The following PHETA1 variants were observed in gnomAD, a reference collection of about 807,000 sequenced individuals.
PHETA1 encodes the protein PH domain containing endocytic trafficking adaptor 1.
For missense variants in PHETA1, 348 were observed against 373.5 expected, an observed-to-expected ratio of 0.93 and a Z score of 0.56; for synonymous variants, 155 against 168.9, an observed-to-expected ratio of 0.92 and a Z score of 0.64.
In PHETA1 at chr12:111,361,826, C is replaced by CT. The variant is rs1465423089; in HGVS notation, c.*851dup. On this transcript the variant is annotated 3_prime_UTR_variant, in exon 3 of 3. Transcript: ENST00000683047. ...GCTAGAAGGTCACCTCGGGCCATGG[C>CT]TACCCAGCCCAGGAAGGGAGGTCAG... 2.2e-6 allele frequency: 1 copy of CT among 452,594 alleles called. No individual in the cohort carries two copies. Among genetic ancestry groups the CT allele is most frequent in the African/African-American group, 2.0e-5 (1 of 49,914 alleles). 28.0% of individuals were successfully genotyped at this position (452,594 alleles called of 1,614,324 possible).
chr12:111,361,635 G>C lies in PHETA1; in HGVS notation c.*1043C>G. 3.1e-6 allele frequency: 1 copy of C among 317,940 alleles called. No homozygotes were observed. Among genetic ancestry groups the C allele is most frequent in the South Asian group, 2.6e-5 (1 of 38,888 alleles). The allele number at this position is 317,940 out of a possible 1,614,324, so 19.7% of individuals were successfully genotyped here. A position where few individuals can be genotyped will look rare whatever the true frequency, so the allele number is the denominator to read the frequency against. On this transcript the variant is annotated 3_prime_UTR_variant, in exon 3 of 3. Coordinates refer to ENST00000683047, the MANE Select transcript of PHETA1 (RefSeq NM_144671.6). ...CCTGGTCCCCACCAGGAGTATGGGG[G>C]TGGGGGCTGAGCTCAGGAGGGGACA...
At position 111,368,995 on chromosome 12, in the gene PHETA1, T is replaced by TGGCGGCGAC. The variant is rs1555221533; in HGVS notation, c.-274_-266dup. ...CGGCCATGGTTCGGGACTGGCCCGG[T>TGGCGGCGAC]GGCGGCGACGGCGGCGGCAGCGCTT... is the stretch of plus-strand genomic sequence containing the variant. On this transcript the variant is annotated 5_prime_UTR_variant, in exon 1 of 3. Transcript: ENST00000683047. This position sits in a 1 kb window ranked among gnomAD's most constrained non-coding sequence, Gnocchi z 5.0. 1.3e-5 allele frequency: 2 copies of TGGCGGCGAC among 152,752 alleles called. No homozygotes were observed. Among genetic ancestry groups the TGGCGGCGAC allele is most frequent in the Non-Finnish European group, 2.9e-5 (2 of 68,412 alleles). 9.5% of individuals were successfully genotyped at this position (152,752 alleles called of 1,614,324 possible).
At position 111,362,935 on chromosome 12, in the gene PHETA1, C is replaced by G. The variant is rs1868745767; in HGVS notation, c.493G>C (p.Ala165Pro). ...ALAPVPSLPS[A>P]PAPVPALPLP... is the part of the protein sequence containing the mutation. Reference sequence around the variant, plus strand: ...GGCAGGGCTGGGACCGGGGCTGGGGCAGAAGGCAGGGATGGGACTGGGGCC... The same window carrying G: ...GGCAGGGCTGGGACCGGGGCTGGGGGAGAAGGCAGGGATGGGACTGGGGCC... The change falls in exon 3 of 3, where the codon GCC (alanine) becomes CCC (proline). Residue 165 changes from alanine (A) to proline (P), a missense_variant. Transcript: ENST00000683047. 2 of 1,481,100 alleles carry G rather than the reference C, an allele frequency of 1.4e-6. No individual in the cohort carries two copies. Among genetic ancestry groups the G allele is most frequent in the East Asian group, 5.0e-5 (2 of 40,376 alleles). The allele number at this position is 1,481,100 out of a possible 1,614,324, so 91.7% of individuals were successfully genotyped here.
chr12:111,365,279 G>A (rs1868962230), intron 2 of PHETA1, among the ~76,000 whole-genome samples: 1 of 152,232 alleles, frequency 6.6e-6, no homozygotes, highest in South Asian at 2.1e-4. Context: ...TACGCAGTAG[G>A]CACTCAGTGT....
At position 111,363,065 on chromosome 12, in the gene PHETA1, G is replaced by A. The variant is rs987574654; in HGVS notation, c.363C>T (p.Arg121=). ...CAGCCGCCAGCTGCTGCTCCAGCTC[G>A]CGCACCACCAGCCGCAGGTAGTCGA... ...ASFDYLRLVV[R]ELEQQLAAVR... The change falls in exon 3 of 3, where the codon CGC becomes CGT. Residue 121 remains arginine, a synonymous_variant. Transcript: ENST00000683047. This position sits in a 1 kb window ranked among gnomAD's most constrained non-coding sequence, Gnocchi z 7.4. 11 of 1,573,486 alleles carry A rather than the reference G, an allele frequency of 7.0e-6. No individual in the cohort carries two copies. Among genetic ancestry groups the A allele is most frequent in the African/African-American group, 1.3e-5 (1 of 74,574 alleles).
intron 2 of PHETA1, among the ~76,000 whole-genome samples, chr12:111,365,054 T>G (rs1312464390): frequency 6.6e-6 from 1 of 152,166 alleles, no homozygotes; most frequent in Non-Finnish European, 1.5e-5. Flanking sequence ...TCGGCCACAG[T>G]GACCCCATCC....
At position 111,363,029 on chromosome 12, in the gene PHETA1, C is replaced by A. The variant is rs749641407; in HGVS notation, c.399G>T (p.Gly133=). 2.1e-6 allele frequency: 2 copies of A among 942,572 alleles called. No homozygotes were observed. The highest frequency in any genetic ancestry group is 2.4e-5 in the South Asian group (1 of 41,720). 58.4% of individuals were successfully genotyped at this position (942,572 alleles called of 1,614,324 possible). Residue 133 remains glycine, a synonymous_variant, in exon 3 of 3, where the codon GGG becomes GGT. Transcript: ENST00000683047. This position sits in a 1 kb window ranked among gnomAD's most constrained non-coding sequence, Gnocchi z 7.4. ...LEQQLAAVRG[G]GGMALPQPQP... Reference sequence around the variant, plus strand: ...GGGGCTGGGGCAGGGCCATGCCACCCCCGCCACGTACAGCCGCCAGCTGCT... The same window carrying A: ...GGGGCTGGGGCAGGGCCATGCCACCACCGCCACGTACAGCCGCCAGCTGCT...
chr12:111,361,628 T>G lies in PHETA1; in HGVS notation c.*1050A>C, dbSNP rs1593002525. 7.9e-5 allele frequency: 21 copies of G among 264,390 alleles called. No individual in the cohort carries two copies. The highest frequency in any genetic ancestry group is 1.5e-3 in the Middle Eastern group (1 of 648). 16.4% of individuals were successfully genotyped at this position (264,390 alleles called of 1,614,324 possible). On this transcript the variant is annotated 3_prime_UTR_variant, in exon 3 of 3. Coordinates refer to ENST00000683047, the MANE Select transcript of PHETA1 (RefSeq NM_144671.6). ...AGCAAGACCTGGTCCCCACCAGGAGTATGGGGGTGGGGGCTGAGCTCAGGA... is the reference window on the plus strand; with the variant it reads ...AGCAAGACCTGGTCCCCACCAGGAGGATGGGGGTGGGGGCTGAGCTCAGGA...
At position 111,362,459 on chromosome 12, in the gene PHETA1, C is replaced by A; in HGVS notation, c.*219G>T. 8.1e-7 allele frequency: 1 copy of A among 1,235,390 alleles called. No individual in the cohort carries two copies. The highest frequency in any genetic ancestry group is 1.1e-6 in the Non-Finnish European group (1 of 913,860). The allele number at this position is 1,235,390 out of a possible 1,614,324, so 76.5% of individuals were successfully genotyped here. On this transcript the variant is annotated 3_prime_UTR_variant, in exon 3 of 3. Transcript: ENST00000683047. ...TCCTTAGTGTTGCACGTGACGTTCC[C>A]CTCAAGGGTAGGCCTTCTGGGTCAC...
chr12:111,363,702 G>A lies in PHETA1; in HGVS notation c.-36-239C>T, dbSNP rs1215496883. 6.6e-7 allele frequency: 1 copy of A among 1,525,280 alleles called. No individual in the cohort carries two copies. The highest frequency in any genetic ancestry group is 8.8e-7 in the Non-Finnish European group (1 of 1,140,670). 94.5% of individuals were successfully genotyped at this position (1,525,280 alleles called of 1,614,324 possible). On this transcript the variant is annotated intron_variant, in intron 2 of 2. Transcript: ENST00000683047. The surrounding 1 kb of genome is among the most constrained non-coding windows in gnomAD (Gnocchi z 7.4). ...TAACCTCCTACCCTCCTGTATCCCT[G>A]AAATAATGTTGTGAGTTCCTGCTGC...
rs1218304801 is a variant in PHETA1 at position 111,361,218 on chromosome 12, T to G, written c.*1460A>C. ...ACCAGCAAACAGGAAACTAAAGCAG[T>G]GAAAACATCAAGCTTTGTTGCCAGA... On this transcript the variant is annotated 3_prime_UTR_variant, in exon 3 of 3. Coordinates refer to ENST00000683047, the MANE Select transcript of PHETA1 (RefSeq NM_144671.6). The G allele has an allele frequency of 6.6e-6, 1 of 151,730 alleles. No homozygotes were observed. Among genetic ancestry groups the G allele is most frequent in the Non-Finnish European group, 1.5e-5 (1 of 68,014 alleles). 9.4% of individuals were successfully genotyped at this position (151,730 alleles called of 1,614,324 possible). A position where few individuals can be genotyped will look rare whatever the true frequency, so the allele number is the denominator to read the frequency against.
At position 111,360,818 on chromosome 12, in the gene PHETA1, G is replaced by A. The variant is rs1188179454; in HGVS notation, c.*1860C>T. The A allele has an allele frequency of 6.5e-6, 1 of 152,698 alleles. No homozygotes were observed. Among genetic ancestry groups the A allele is most frequent in the African/African-American group, 2.4e-5 (1 of 41,444 alleles). The allele number at this position is 152,698 out of a possible 1,614,324, so 9.5% of individuals were successfully genotyped here. On this transcript the variant is annotated 3_prime_UTR_variant, in exon 3 of 3. Transcript: ENST00000683047. ...CATCCCTCACCCCTCTCTCCCAGGA[G>A]ACCAGGGCCAACGTACCTTGAGAGT...
In PHETA1 at chr12:111,363,079, G is replaced by A. The variant is rs751101017; in HGVS notation, c.349C>T (p.Arg117Trp). The change falls in exon 3 of 3, where the codon CGG (arginine) becomes TGG (tryptophan). Residue 117 changes from arginine (R) to tryptophan (W), a missense_variant. By Grantham distance (101) the Arg-to-Trp change is moderately radical. Transcript: ENST00000683047. This position sits in a 1 kb window ranked among gnomAD's most constrained non-coding sequence, Gnocchi z 7.4. ...TGCTCCAGCTCGCGCACCACCAGCC[G>A]CAGGTAGTCGAAGCTGGCACGCGAC... ...ALSRASFDYLRLVVRELEQQL... is the reference protein window; with the variant it reads ...ALSRASFDYLWLVVRELEQQL... The A allele has an allele frequency of 3.8e-6, 6 of 1,585,260 alleles. No homozygotes were observed. The highest frequency in any genetic ancestry group is 2.2e-5 in the East Asian group (1 of 44,544).
At position 111,363,253 on chromosome 12, in the gene PHETA1, C is replaced by T; in HGVS notation, c.175G>A (p.Gly59Ser). The change falls in exon 3 of 3, where the codon GGC becomes AGC. Residue 59 changes from glycine to serine, a missense_variant. Gly to Ser is a moderately conservative substitution (Grantham distance 56). Transcript: ENST00000683047. The surrounding 1 kb of genome is among the most constrained non-coding windows in gnomAD (Gnocchi z 7.4). ...GTGCAGCCCTCCAGGATGATGACGC[C>T]CACGGGCTCACGGCTGGCAGCGTCC... Reference protein sequence around the residue: ...FEDAASREPVGVIILEGCTVE... With the variant: ...FEDAASREPVSVIILEGCTVE... The T allele has an allele frequency of 6.2e-7, 1 of 1,613,294 alleles. No individual in the cohort carries two copies. The highest frequency in any genetic ancestry group is 8.5e-7 in the Non-Finnish European group (1 of 1,179,918).
chr12:111,365,661 G>A (rs1438974883), intron 2 of PHETA1: 2 of 390,964 alleles, frequency 5.1e-6, no homozygotes, highest in Middle Eastern at 6.7e-4. Flanking sequence ...ACTAACACAG[G>A]AACAGAAAAC....
chr12:111,363,978 G>A lies in PHETA1; in HGVS notation c.-36-515C>T, dbSNP rs1868864043. On this transcript the variant is annotated intron_variant, in intron 2 of 2. Coordinates refer to ENST00000683047, the MANE Select transcript of PHETA1 (RefSeq NM_144671.6). The surrounding 1 kb of genome is among the most constrained non-coding windows in gnomAD (Gnocchi z 7.4). ...GCAGTCCCTGCCAGGTCCCAGCCCT[G>A]ACTTTGTGGTTCGACTTTGGTTTGT... Among the ~76,000 whole-genome samples the A allele has an allele frequency of 6.6e-6, 1 of 152,188 alleles. No homozygotes were observed. Among genetic ancestry groups the A allele is most frequent in the South Asian group, 2.1e-4 (1 of 4,836 alleles).
chr12:111,364,291 G>C (rs1225226262), intron 2 of PHETA1, among the ~76,000 whole-genome samples: 1 of 150,938 alleles, frequency 6.6e-6, no homozygotes, highest in Admixed American at 6.6e-5. Context: ...AGGTTGCAGT[G>C]AGCCGAGATT....
At chr12:111,366,505 C>T (rs561330562) in intron 1 of PHETA1, among the ~76,000 whole-genome samples, 9 of 152,274 alleles carry the variant, frequency 5.9e-5, no homozygotes, top group African/African-American at 1.2e-4. Context: ...CCCTCTCCAG[C>T]GTCTTCCAAA....
Position 111,362,492 on chromosome 12 carries a change from T to C in PHETA1, c.*186A>G. ...GTAGGCCTTCTGGGTCACATGGTCC[T>C]AAAGGCCCACTCAGAATCCAGCACC... On this transcript the variant is annotated 3_prime_UTR_variant, in exon 3 of 3. Transcript: ENST00000683047. 2 of 1,444,826 alleles carry C rather than the reference T, an allele frequency of 1.4e-6. No homozygotes were observed. Among genetic ancestry groups the C allele is most frequent in the South Asian group, 2.7e-5 (2 of 73,256 alleles). 89.5% of individuals were successfully genotyped at this position (1,444,826 alleles called of 1,614,324 possible).
Sources: allele counts gnomAD v4.1 joint callset (sites outside exome capture counted in the v4.1 genomes callset), GRCh38; gene constraint gnomAD v4.1.1; non-coding constraint Gnocchi (gnomAD v3.1); transcripts MANE v1.5; gene names NCBI Gene and HGNC (gene_info 2026-07-23, HGNC 2026-07-21).